The following ZFHX3 variants were observed in gnomAD, a reference collection of about 807,000 sequenced individuals.
ZFHX3 encodes the protein zinc finger homeobox protein 3.
In ZFHX3, 42 loss-of-function variants were observed where a neutral mutation model predicts 279.1. The ratio of observed to expected loss-of-function variants is 0.15; its 90% CI spans 0.12 to 0.19. The LOEUF (loss-of-function observed/expected upper bound fraction) is 0.19, where lower values mean the gene tolerates loss of function less well. Ranked by LOEUF, ZFHX3 falls within the 10% of genes least tolerant of loss-of-function variation. ZFHX3 has a pLI of 1.00. For synonymous variants in ZFHX3, 2,293 were observed against 1,957.8 expected (o/e 1.17, Z -4.52); for missense variants, 4,981 against 4,754.0 (o/e 1.05, Z -1.40).
intron 1 of ZFHX3, chr16:73,812,490 T>C (rs951465629): frequency 6.6e-6 from 1 of 152,206 alleles, no homozygotes; most frequent in Non-Finnish European, 1.5e-5. Flanking sequence ...ATAGACACGT[T>C]TGTTTGGGCA....
chr16:73,862,553 T>C (rs2142391279), intron 1 of ZFHX3, among the ~76,000 whole-genome samples: 1 of 152,212 alleles, frequency 6.6e-6, no homozygotes, highest in South Asian at 2.1e-4. Context: ...GGCAGGAGGA[T>C]CCCTTGAGCC....
rs777211091 is a variant in ZFHX3 at position 72,795,159 on chromosome 16, G to A, written c.7523C>T (p.Pro2508Leu). Residue 2508 changes from proline to leucine, a missense_variant, in exon 9 of 10, where the codon CCC becomes CTC. Physicochemically the swap from Pro to Leu is moderately conservative, Grantham distance 98. This residue lies in a region of ZFHX3 where 744 missense variants were observed against 701.3 expected (regional missense o/e 1.06). Transcript: ENST00000268489. Reference protein sequence around the residue: ...SPSPSQLSHLPLKPLHTSTPQ... With the variant: ...SPSPSQLSHLLLKPLHTSTPQ... Reference sequence around the variant, plus strand: ...AGTTGATGTGTGGAGGGGCTTGAGGGGCAGGTGGGAGAGCTGGGAAGGACT... The same window carrying A: ...AGTTGATGTGTGGAGGGGCTTGAGGAGCAGGTGGGAGAGCTGGGAAGGACT... 7 of 1,612,288 alleles carry A rather than the reference G, an allele frequency of 4.3e-6. No homozygotes were observed. Among genetic ancestry groups the A allele is most frequent in the Non-Finnish European group, 5.9e-6 (7 of 1,178,918 alleles).
At position 72,800,366 on chromosome 16, in the gene ZFHX3, T is replaced by C. The variant is rs992587517; in HGVS notation, c.3865-237A>G. Among the ~76,000 whole-genome samples, 4 of 152,316 alleles carry C rather than the reference T, an allele frequency of 2.6e-5. 1 individual carries two copies. On this transcript the variant is annotated intron_variant, in intron 7 of 9. Coordinates refer to ENST00000268489, the MANE Select transcript of ZFHX3 (RefSeq NM_006885.4). Reference sequence around the variant, plus strand: ...GTGCACACTTGAAGAATAATCTTCTTATTAATATTTTTCCTTTATGCAGAA... The same window carrying C: ...GTGCACACTTGAAGAATAATCTTCTCATTAATATTTTTCCTTTATGCAGAA...
At chr16:73,594,868 T>C (rs9923688) in intron 2 of ZFHX3, among the ~76,000 whole-genome samples, 56,264 of 152,086 alleles carry the variant, frequency 0.37, 11,067 homozygotes, top group African/African-American at 0.44. Context: ...TCGCCTTTTG[T>C]TGTTAATATT....
chr16:73,104,221 G>GTATGTATTTATT (rs57972353), intron 7 of ZFHX3, among the ~76,000 whole-genome samples: 2 of 151,624 alleles, frequency 1.3e-5, no homozygotes, highest in Admixed American at 6.6e-5. Flanking sequence ...TTTATTTTAT[G>GTATGTATTTATT]TATTTATTTA....
chr16:73,618,792 T>C (rs1481817275), intron 2 of ZFHX3, among the ~76,000 whole-genome samples: 2 of 152,182 alleles, frequency 1.3e-5, no homozygotes, highest in Non-Finnish European at 2.9e-5. Flanking sequence ...ACATGTTAGA[T>C]CTTTGGTACC....
At chr16:73,668,338 G>A (rs1210524320) in intron 2 of ZFHX3, among the ~76,000 whole-genome samples, 2 of 151,796 alleles carry the variant, frequency 1.3e-5, no homozygotes, top group African/African-American at 4.8e-5. Context: ...TAAGTTCTGG[G>A]ATACATGTGC....
chr16:73,526,153 C>T (rs1348325349), intron 2 of ZFHX3, among the ~76,000 whole-genome samples: 1 of 152,220 alleles, frequency 6.6e-6, no homozygotes, highest in Non-Finnish European at 1.5e-5. Flanking sequence ...CAGTCCAGGG[C>T]AGCTGTGAGA....
chr16:73,560,499 T>C (rs1160653218), intron 2 of ZFHX3, among the ~76,000 whole-genome samples: 1 of 152,194 alleles, frequency 6.6e-6, no homozygotes, highest in Admixed American at 6.5e-5. Context: ...GCTCTTCTCT[T>C]ATATTACCCC....
At chr16:72,928,256 A>G (rs965144809) in intron 3 of ZFHX3, among the ~76,000 whole-genome samples, 5 of 111,798 alleles carry the variant, frequency 4.5e-5, no homozygotes, top group Admixed American at 2.7e-4. Context: ...CTTAAGGGGA[A>G]GATGGAAAGA....
intron 1 of ZFHX3, among the ~76,000 whole-genome samples, chr16:73,798,588 C>A (rs1960063012): frequency 6.6e-6 from 1 of 152,108 alleles, no homozygotes; most frequent in African/African-American, 2.4e-5. Context: ...CACAGACACA[C>A]ACACACACAC....
intron 2 of ZFHX3, among the ~76,000 whole-genome samples, chr16:73,619,182 G>T (rs966504990): frequency 6.6e-5 from 10 of 151,958 alleles, no homozygotes; most frequent in Non-Finnish European, 1.3e-4. Context: ...TAAGCACTAT[G>T]GAGAAAATAA....
intron 1 of ZFHX3, among the ~76,000 whole-genome samples, chr16:73,784,283 G>A (rs9926757): frequency 0.08 from 12,205 of 151,864 alleles, 1,665 homozygotes; most frequent in African/African-American, 0.28. Flanking sequence ...AGGATTAAAC[G>A]ATAAAATACA....
intron 2 of ZFHX3, among the ~76,000 whole-genome samples, chr16:73,619,980 G>A (rs186299414): frequency 1.6e-4 from 25 of 152,174 alleles, no homozygotes; most frequent in Non-Finnish European, 3.1e-4. Context: ...TAAGAGTGGG[G>A]GCTCTCACTA....
At chr16:73,326,819 A>T (rs1345588339) in intron 3 of ZFHX3, among the ~76,000 whole-genome samples, 3 of 152,200 alleles carry the variant, frequency 2.0e-5, no homozygotes, top group Non-Finnish European at 4.4e-5. Flanking sequence ...TATAGCCCCT[A>T]TTTGGGTCTC....
intron 3 of ZFHX3, among the ~76,000 whole-genome samples, chr16:73,324,385 A>G (rs149735078): frequency 1.1e-3 from 169 of 152,300 alleles, no homozygotes; most frequent in African/African-American, 3.8e-3. Flanking sequence ...CAGTTAACCA[A>G]TACCCATTCT....
chr16:73,702,403 G>C (rs955484668), intron 1 of ZFHX3, among the ~76,000 whole-genome samples: 1 of 152,168 alleles, frequency 6.6e-6, no homozygotes, highest in African/African-American at 2.4e-5. Context: ...CAGTGTTTCA[G>C]AACTGTGATG....
intron 8 of ZFHX3, among the ~76,000 whole-genome samples, chr16:73,072,083 C>G (rs376148839): frequency 1.3e-5 from 2 of 152,208 alleles, no homozygotes; most frequent in East Asian, 1.9e-4. Flanking sequence ...ATCCCCAGCA[C>G]TCAGAAAGGT....
intron 1 of ZFHX3, among the ~76,000 whole-genome samples, chr16:73,789,504 C>A (rs1460048615): frequency 6.6e-6 from 1 of 152,086 alleles, no homozygotes; most frequent in East Asian, 1.9e-4. Flanking sequence ...AACTTCATGA[C>A]ATAACTGATT....
Sources: allele counts gnomAD v4.1 joint callset (sites outside exome capture counted in the v4.1 genomes callset), GRCh38; gene constraint gnomAD v4.1.1; regional missense constraint gnomAD v4.1.1; transcripts MANE v1.5; gene names NCBI Gene and HGNC (gene_info 2026-07-23, HGNC 2026-07-21).